The following STAG1 variants were observed in gnomAD, a reference collection of about 807,000 sequenced individuals.
The protein encoded by STAG1 is cohesin subunit SA-1.
A neutral mutation model predicts 170.9 loss-of-function variants in STAG1; 26 were observed. The observed-to-expected ratio is 0.15, with a 90% CI of 0.11 to 0.21. The LOEUF (loss-of-function observed/expected upper bound fraction) is 0.21, where lower values mean the gene tolerates loss of function less well. Ranked by LOEUF, STAG1 falls within the 10% of genes least tolerant of loss-of-function variation. The pLI is 1.00. For missense variants in STAG1, 964 were observed against 1,509.5 expected, an observed-to-expected ratio of 0.64 and a Z score of 5.99; for synonymous variants, 514 against 497.7, an observed-to-expected ratio of 1.03 and a Z score of -0.44.
At chr3:136,389,441 C>G (rs1013713075) in intron 22 of STAG1, among the ~76,000 whole-genome samples, 2 of 152,038 alleles carry the variant, frequency 1.3e-5, no homozygotes, top group African/African-American at 4.8e-5. Flanking sequence ...TACAGGCGCA[C>G]ACCACCACAC....
intron 1 of STAG1, among the ~76,000 whole-genome samples, chr3:136,706,793 A>T (rs1401595412): frequency 6.6e-6 from 1 of 152,192 alleles, no homozygotes; most frequent in East Asian, 1.9e-4. Context: ...TTGAGACTAA[A>T]ACTTTCCAAT....
chr3:136,370,517 C>A (rs554371116), intron 23 of STAG1, among the ~76,000 whole-genome samples: 11 of 152,266 alleles, frequency 7.2e-5, no homozygotes, highest in Admixed American at 3.9e-4. Flanking sequence ...CCACTCCCCC[C>A]ACCCCACAAC....
chr3:136,474,370 A>G (rs1162663008), intron 10 of STAG1, among the ~76,000 whole-genome samples: 5 of 152,168 alleles, frequency 3.3e-5, no homozygotes, highest in Non-Finnish European at 7.3e-5. Flanking sequence ...AATTCTATAT[A>G]ATTTATTAGC....
chr3:136,362,051 G>A (rs1001286027), intron 26 of STAG1, among the ~76,000 whole-genome samples: 2 of 151,930 alleles, frequency 1.3e-5, no homozygotes, highest in African/African-American at 4.8e-5. Context: ...CGCCTCCCAG[G>A]TCCAAATGAT....
rs565932396 is a variant in STAG1 at position 136,373,741 on chromosome 3, C to A, written c.2370+3919G>T. Among the ~76,000 whole-genome samples, 59 of 152,236 alleles carry A rather than the reference C, an allele frequency of 3.9e-4. 1 individual carries two copies. The South Asian group carries it at 5.8e-3, about 15-fold the overall frequency. Reference sequence around the variant, plus strand: ...GTTTGTTATAATTTCTGTTCTTTTACATTTGCTGAGGATTGCTTTACTTCC... The same window carrying A: ...GTTTGTTATAATTTCTGTTCTTTTAAATTTGCTGAGGATTGCTTTACTTCC... On this transcript the variant is annotated intron_variant, in intron 23 of 33. Coordinates refer to ENST00000383202, the MANE Select transcript of STAG1 (RefSeq NM_005862.3).
chr3:136,716,510 C>A (rs59554065), intron 1 of STAG1, among the ~76,000 whole-genome samples: 14,495 of 152,174 alleles, frequency 0.095, 2,241 homozygotes, highest in African/African-American at 0.33. Flanking sequence ...GCCAGGCACG[C>A]TGGCTCATGC....
At chr3:136,352,487 T>G (rs1343576752) in intron 28 of STAG1, among the ~76,000 whole-genome samples, 1 of 152,182 alleles carries the variant, frequency 6.6e-6, no homozygotes, top group East Asian at 1.9e-4. Context: ...GAAAAAATTA[T>G]GAGACGTACA....
At chr3:136,538,096 A>G (rs1007663711) in intron 6 of STAG1, among the ~76,000 whole-genome samples, 6 of 152,222 alleles carry the variant, frequency 3.9e-5, no homozygotes, top group Non-Finnish European at 7.3e-5. Context: ...TTGAGTTATT[A>G]GCCTGTGATA....
intron 1 of STAG1, among the ~76,000 whole-genome samples, chr3:136,732,237 T>TAAAAAAAAAAAAAA (rs71134406): frequency 1.2e-5 from 1 of 85,746 alleles, no homozygotes; most frequent in Non-Finnish European, 2.4e-5. Flanking sequence ...TATCCACAAC[T>TAAAAAAAAAAAAAA]AAAAAAAAAA....
At chr3:136,706,512 CAAG>C (rs1943231693) in intron 1 of STAG1, among the ~76,000 whole-genome samples, 1 of 151,944 alleles carries the variant, frequency 6.6e-6, no homozygotes, top group Admixed American at 6.6e-5. Context: ...CAAATTTAAC[CAAG>C]AAGGTGAAAG....
intron 21 of STAG1, among the ~76,000 whole-genome samples, chr3:136,402,821 T>C (rs1470198484): frequency 6.6e-6 from 1 of 151,630 alleles, no homozygotes; most frequent in Non-Finnish European, 1.5e-5. Flanking sequence ...TGAGACTCTG[T>C]CTAAAAAAGA....
intron 15 of STAG1, among the ~76,000 whole-genome samples, chr3:136,440,679 T>G (rs2088604272): frequency 6.6e-6 from 1 of 151,950 alleles, no homozygotes; most frequent in Non-Finnish European, 1.5e-5. Flanking sequence ...AGGGAAAATA[T>G]TAAGGTTAGT....
At chr3:136,432,417 T>C (rs549326816) in intron 16 of STAG1, among the ~76,000 whole-genome samples, 2 of 152,062 alleles carry the variant, frequency 1.3e-5, no homozygotes, top group South Asian at 4.2e-4. Context: ...TATGGTCACA[T>C]TTTACTGTTT....
chr3:136,486,420 C>CA (rs2090013880), intron 9 of STAG1, among the ~76,000 whole-genome samples: 1 of 152,086 alleles, frequency 6.6e-6, no homozygotes, highest in African/African-American at 2.4e-5. Flanking sequence ...CTAACAGTAG[C>CA]AAAAATAAAA....
At chr3:136,405,231 CTTTTTTT>C (rs554475207) in intron 21 of STAG1, among the ~76,000 whole-genome samples, 2,776 of 60,812 alleles carry the variant, frequency 0.046, 56 homozygotes, top group East Asian at 0.17. Context: ...GAAAAAACCT[CTTTTTTT>C]TTTTTTTTTT....
intron 1 of STAG1, among the ~76,000 whole-genome samples, chr3:136,685,996 G>A (rs1942508597): frequency 6.6e-6 from 1 of 152,204 alleles, no homozygotes. Context: ...TGGTGCTAGT[G>A]AGAGTTCTCA....
At chr3:136,376,602 A>G (rs1174588026) in intron 23 of STAG1, among the ~76,000 whole-genome samples, 2 of 152,190 alleles carry the variant, frequency 1.3e-5, no homozygotes, top group Non-Finnish European at 2.9e-5. Flanking sequence ...ACATATTACT[A>G]GGCCCCTGGG....
intron 22 of STAG1, 117 bp from the exon 23 acceptor site, chr3:136,377,869 C>A: frequency 1.3e-6 from 1 of 782,412 alleles, no homozygotes; most frequent in South Asian, 1.6e-5. Flanking sequence ...ATTCATATAA[C>A]CAAATTTAAT....
At chr3:136,702,105 G>C (rs535349835) in intron 1 of STAG1, among the ~76,000 whole-genome samples, 25 of 115,442 alleles carry the variant, frequency 2.2e-4, no homozygotes, top group African/African-American at 9.2e-4. Context: ...GAGAGAGAGA[G>C]AGAGAGAGAG....
Sources: allele counts gnomAD v4.1 joint callset (sites outside exome capture counted in the v4.1 genomes callset), GRCh38; gene constraint gnomAD v4.1.1; transcripts MANE v1.5; gene names NCBI Gene and HGNC (gene_info 2026-07-23, HGNC 2026-07-21).